The following GAN variants were observed in gnomAD, a reference collection of about 807,000 sequenced individuals.
The protein encoded by GAN is epididymis secretory sperm binding protein.
Under a neutral mutation model 71.3 loss-of-function variants are expected in GAN, and 48 were observed. The ratio of observed to expected loss-of-function variants is 0.67; its 90% CI spans 0.53 to 0.86. The LOEUF (loss-of-function observed/expected upper bound fraction) is 0.86, where lower values mean the gene tolerates loss of function less well. Ranked by LOEUF, GAN falls within the 40% of genes least tolerant of loss-of-function variation. The pLI, the probability that GAN is intolerant of heterozygous loss-of-function variation, is 0.00. For missense variants in GAN, 928 were observed against 770.1 expected, an observed-to-expected ratio of 1.21 and a Z score of -2.43; for synonymous variants, 386 against 276.8, an observed-to-expected ratio of 1.39 and a Z score of -3.92.
chr16:81,337,755 C>A (rs546963632), intron 1 of GAN, among the ~76,000 whole-genome samples: 1 of 152,092 alleles, frequency 6.6e-6, no homozygotes, highest in South Asian at 2.1e-4. Flanking sequence ...GAAAAAGTAA[C>A]GTGAATATTG....
At position 81,381,457 on chromosome 16, in the gene GAN, G is replaced by C. The variant is rs1275102312; in HGVS notation, c.*3861G>C. ...TTAAAAACACCTGGTGGAAGGGAAA[G>C]GTGAGGCGGCCCTTTTCCACTGGCT... On this transcript the variant is annotated 3_prime_UTR_variant, in exon 11 of 11. Coordinates refer to ENST00000648994, the MANE Select transcript of GAN (RefSeq NM_022041.4). 1 of 152,238 alleles carries C rather than the reference G, an allele frequency of 6.6e-6. No individual in the cohort carries two copies. Among genetic ancestry groups the C allele is most frequent in the Non-Finnish European group, 1.5e-5 (1 of 68,060 alleles). 9.4% of individuals were successfully genotyped at this position (152,238 alleles called of 1,614,324 possible). A position where few individuals can be genotyped will look rare whatever the true frequency, so the allele number is the denominator to read the frequency against.
Position 81,315,203 on chromosome 16 carries a change from C to A in GAN, c.90C>A (p.Cys30Ter), listed in dbSNP as rs746357312. ...LSSFREESRF[C>*]DAHLVLDGEE... Reference sequence around the variant, plus strand: ...CTTTCCGCGAGGAGTCTCGCTTCTGCGACGCGCACCTGGTCCTCGACGGGG... The same window carrying A: ...CTTTCCGCGAGGAGTCTCGCTTCTGAGACGCGCACCTGGTCCTCGACGGGG... The change falls in exon 1 of 11, where the codon TGC (cysteine) becomes TGA (stop). Residue 30 changes from cysteine to a stop codon, truncating the protein, a stop_gained. Coordinates refer to ENST00000648994, the MANE Select transcript of GAN (RefSeq NM_022041.4). LOFTEE classifies it high-confidence loss of function. The A allele has an allele frequency of 6.3e-7, 1 of 1,578,338 alleles. No individual in the cohort carries two copies. The highest frequency in any genetic ancestry group is 1.8e-5 in the Admixed American group (1 of 56,098).
chr16:81,357,383 T>G (rs1045443776), intron 4 of GAN, among the ~76,000 whole-genome samples: 1 of 152,188 alleles, frequency 6.6e-6, no homozygotes, highest in African/African-American at 2.4e-5. Flanking sequence ...TGCGATAGTT[T>G]ACTGAGAATG....
In GAN at chr16:81,383,488, C is replaced by T. The variant is rs970717411; in HGVS notation, c.*5892C>T. ...AGCATGGTCTCGATCTCCTAAACTTCGTGATCCGCCCGCCTCAGCCTCCCA... is the reference window on the plus strand; with the variant it reads ...AGCATGGTCTCGATCTCCTAAACTTTGTGATCCGCCCGCCTCAGCCTCCCA... On this transcript the variant is annotated 3_prime_UTR_variant, in exon 11 of 11. Transcript: ENST00000648994. 2.0e-5 allele frequency: 3 copies of T among 150,734 alleles called. No homozygotes were observed. The highest frequency in any genetic ancestry group is 4.9e-5 in the African/African-American group (2 of 41,072). 9.3% of individuals were successfully genotyped at this position (150,734 alleles called of 1,614,324 possible). A position where few individuals can be genotyped will look rare whatever the true frequency, so the allele number is the denominator to read the frequency against.
chr16:81,350,533 T>TG (rs1910265535), intron 1 of GAN, among the ~76,000 whole-genome samples: 1 of 149,762 alleles, frequency 6.7e-6, no homozygotes, highest in Admixed American at 6.7e-5. Flanking sequence ...TTTTTTTTTT[T>TG]GAGGCAGAGT....
intron 1 of GAN, among the ~76,000 whole-genome samples, chr16:81,331,383 G>A (rs976637285): frequency 1.3e-5 from 2 of 152,146 alleles, no homozygotes; most frequent in East Asian, 3.9e-4. Context: ...AGGACACTGC[G>A]GGGGAAAAGT....
intron 1 of GAN, among the ~76,000 whole-genome samples, chr16:81,344,739 A>C (rs532445025): frequency 5.3e-5 from 8 of 152,198 alleles, no homozygotes; most frequent in African/African-American, 7.2e-5. Flanking sequence ...AATGGCAAAA[A>C]AGCCAAAAAC....
intron 1 of GAN, among the ~76,000 whole-genome samples, chr16:81,351,255 T>C (rs185234741): frequency 6.6e-6 from 1 of 152,164 alleles, no homozygotes; most frequent in Non-Finnish European, 1.5e-5. Flanking sequence ...TATTGAAGAT[T>C]AATTAGAGAA....
chr16:81,353,927 C>T (rs1204302160), intron 2 of GAN, among the ~76,000 whole-genome samples: 1 of 152,136 alleles, frequency 6.6e-6, no homozygotes, highest in Non-Finnish European at 1.5e-5. Context: ...CACTGGAAAC[C>T]CCTCTCCCTT....
chr16:81,351,487 A>T (rs1342568056), intron 1 of GAN, 96 bp from the exon 2 acceptor site: 2 of 714,618 alleles, frequency 2.8e-6, no homozygotes, highest in East Asian at 2.7e-5. Context: ...TCATATACTG[A>T]TAAGTATCTT....
intron 1 of GAN, among the ~76,000 whole-genome samples, chr16:81,316,813 T>G (rs1417738822): frequency 2.0e-5 from 3 of 152,236 alleles, no homozygotes; most frequent in Non-Finnish European, 4.4e-5. Context: ...ACACATTTAC[T>G]TTGGTGGTCT....
chr16:81,345,996 C>G (rs980193226), intron 1 of GAN, among the ~76,000 whole-genome samples: 4 of 152,192 alleles, frequency 2.6e-5, no homozygotes, highest in Admixed American at 1.3e-4. Flanking sequence ...CATGCGCAAG[C>G]AAGTACAGCT....
At chr16:81,348,071 T>G (rs1283280075) in intron 1 of GAN, among the ~76,000 whole-genome samples, 4 of 152,182 alleles carry the variant, frequency 2.6e-5, no homozygotes, top group Non-Finnish European at 5.9e-5. Flanking sequence ...CAGTCTGGTC[T>G]TGAACACCTG....
At chr16:81,326,602 C>A (rs771777909) in intron 1 of GAN, among the ~76,000 whole-genome samples, 6 of 152,166 alleles carry the variant, frequency 3.9e-5, no homozygotes, top group African/African-American at 1.4e-4. Flanking sequence ...GACACCAATA[C>A]GTTCTGAGAA....
At chr16:81,334,607 G>T (rs1909693200) in intron 1 of GAN, among the ~76,000 whole-genome samples, 2 of 152,198 alleles carry the variant, frequency 1.3e-5, no homozygotes, top group Admixed American at 1.3e-4. Context: ...GGGGACAATA[G>T]TGGAACTGTG....
rs1025589304 is a variant in GAN, at chr16:81,382,810, G to C, written c.*5214G>C. 6.6e-6 allele frequency: 1 copy of C among 152,006 alleles called. No homozygotes were observed. Among genetic ancestry groups the C allele is most frequent in the African/African-American group, 2.4e-5 (1 of 41,376 alleles). 9.4% of individuals were successfully genotyped at this position (152,006 alleles called of 1,614,324 possible). On this transcript the variant is annotated 3_prime_UTR_variant, in exon 11 of 11. Transcript: ENST00000648994. ...AGCTGGTAAAACTTGGTAAAGTTTTGTGTTTTTCAGAAGGAACCCTATTAT... is the reference window on the plus strand; with the variant it reads ...AGCTGGTAAAACTTGGTAAAGTTTTCTGTTTTTCAGAAGGAACCCTATTAT...
chr16:81,371,201 T>G (rs958122383), intron 9 of GAN, among the ~76,000 whole-genome samples: 1 of 152,230 alleles, frequency 6.6e-6, no homozygotes, highest in Non-Finnish European at 1.5e-5. Context: ...AAATTTCCTA[T>G]CTTTCCATCA....
intron 1 of GAN, among the ~76,000 whole-genome samples, chr16:81,318,347 G>A (rs1909113340): frequency 1.3e-5 from 2 of 152,152 alleles, no homozygotes; most frequent in Admixed American, 1.3e-4. Context: ...GTCATAAGTG[G>A]TTGTGTGATT....
Position 81,356,952 on chromosome 16 carries a change from AC to A in GAN, c.805del (p.Arg269GlyfsTer8). Reference protein sequence around the residue: ...QGEAMLANFKPRGYSECIVTV... With the variant: ...QGEAMLANFKXRGYSECIVTV... The stretch of plus-strand genomic sequence containing the variant: ...GGGAGGCGATGCTGGCCAACTTCAA[AC>A]CCCGGGGCTACTCTGAGTGCATCGT... On this transcript the variant is annotated frameshift_variant, in exon 4 of 11. Coordinates refer to ENST00000648994, the MANE Select transcript of GAN (RefSeq NM_022041.4). LOFTEE classifies it high-confidence loss of function. 1.2e-6 allele frequency: 2 copies of A among 1,613,492 alleles called. No homozygotes were observed. The highest frequency in any genetic ancestry group is 1.7e-6 in the Non-Finnish European group (2 of 1,179,782).
Sources: gnomAD v4.1 joint callset for allele counts (sites outside exome capture counted in the v4.1 genomes callset) on GRCh38, gnomAD v4.1.1 for gene constraint, MANE v1.5 for transcripts, NCBI Gene and HGNC (gene_info 2026-07-23, HGNC 2026-07-21) for gene names.